CTNND1: variants seen among roughly 807,000 people sequenced by gnomAD.
CTNND1 encodes catenin delta 1, also known as catenin delta-1.
In CTNND1, 16 loss-of-function variants were observed where a neutral mutation model predicts 112.1. The observed-to-expected ratio is 0.14, with a 90% CI of 0.10 to 0.22. The LOEUF (loss-of-function observed/expected upper bound fraction) is 0.22. Among genes scored for constraint, CTNND1 ranks in the 10% least tolerant of loss-of-function variants. The pLI is 1.00. For missense variants in CTNND1, 1,008 were observed against 1,257.0 expected (o/e 0.80, Z 3.00); for synonymous variants, 420 against 446.5 (o/e 0.94, Z 0.75).
intron 8 of CTNND1, 60 bp downstream of exon 8, chr11:57,803,864 T>TAA (rs879898072): frequency 2.7e-3 from 2,366 of 890,212 alleles, no homozygotes; most frequent in Non-Finnish European, 3.1e-3. Context: ...TTAAATTTCC[T>TAA]AAAAAAAAAA....
intron 11 of CTNND1, 189 bp from the exon 12 acceptor site, chr11:57,806,726 G>A (rs923986309): frequency 4.3e-5 from 27 of 633,300 alleles, no homozygotes; most frequent in Non-Finnish European, 5.3e-5. Flanking sequence ...TTACCTATCT[G>A]CTGCCTGTTT....
At chr11:57,802,224 TA>T (rs1465398372) in intron 7 of CTNND1, 28 bp downstream of exon 7, 1 of 1,558,160 alleles carries the variant, frequency 6.4e-7, no homozygotes, top group East Asian at 2.3e-5. Context: ...GGAAAATTGC[TA>T]AGTCAGTGTT....
chr11:57,817,461 T>G lies in CTNND1; in HGVS notation c.*1153T>G, dbSNP rs773049895. On this transcript the variant is annotated 3_prime_UTR_variant, in exon 21 of 21. Transcript: ENST00000399050. ...TCTGCAGTCTCATTTCTCATAATTT[T>G]GCAAATTATATTTTGTTGCTTTCTT... 2 of 152,664 alleles carry G rather than the reference T, an allele frequency of 1.3e-5. No individual in the cohort carries two copies. The highest frequency in any genetic ancestry group is 2.9e-5 in the Non-Finnish European group (2 of 68,060). 9.5% of individuals were successfully genotyped at this position (152,664 alleles called of 1,614,324 possible).
At chr11:57,812,753 C>T (rs761884729) in intron 17 of CTNND1, among the ~76,000 whole-genome samples, 60 of 152,028 alleles carry the variant, frequency 3.9e-4, no homozygotes, top group Non-Finnish European at 7.9e-4. Context: ...TGGGGTCAAG[C>T]GATCCTCCTG....
At chr11:57,773,803 G>A (rs768041744) in intron 1 of CTNND1, among the ~76,000 whole-genome samples, 25 of 152,006 alleles carry the variant, frequency 1.6e-4, no homozygotes, top group East Asian at 3.9e-4. Flanking sequence ...TTAGCCGGGC[G>A]TGGTGGTGGG....
At chr11:57,792,293 T>A (rs1245736388) in intron 3 of CTNND1, among the ~76,000 whole-genome samples, 1 of 152,262 alleles carries the variant, frequency 6.6e-6, no homozygotes, top group South Asian at 2.1e-4. Context: ...CTGGGTTGGC[T>A]GACTCTGTGA....
At chr11:57,771,275 CAA>C (rs1952526673) in intron 1 of CTNND1, among the ~76,000 whole-genome samples, 1 of 152,154 alleles carries the variant, frequency 6.6e-6, no homozygotes, top group Non-Finnish European at 1.5e-5. Context: ...TGTTTGTTCT[CAA>C]AGAGCTTACA....
chr11:57,766,702 G>A lies in CTNND1; in HGVS notation c.-214+4583G>A, dbSNP rs190866591. 1.8e-3 allele frequency among the ~76,000 whole-genome samples: 281 copies of A among 152,230 alleles called. 1 individual carries two copies. The highest frequency in any genetic ancestry group is 6.5e-3 in the African/African-American group (269 of 41,524). Reference sequence around the variant, plus strand: ...CTGTTCTGGTTAGAACTAATGAGGGGGAAATTAGGGTATGGATTGATTTGT... The same window carrying A: ...CTGTTCTGGTTAGAACTAATGAGGGAGAAATTAGGGTATGGATTGATTTGT... On this transcript the variant is annotated intron_variant, in intron 1 of 20. Transcript: ENST00000399050.
At chr11:57,797,364 G>A (rs112976685) in intron 6 of CTNND1, among the ~76,000 whole-genome samples, 58,597 of 147,494 alleles carry the variant, frequency 0.4, 12,078 homozygotes, top group Middle Eastern at 0.48. Context: ...CCTAGTAGTT[G>A]GGACTACAGG....
intron 1 of CTNND1, among the ~76,000 whole-genome samples, chr11:57,779,001 T>C (rs1015990864): frequency 9.2e-5 from 14 of 152,210 alleles, no homozygotes; most frequent in Non-Finnish European, 1.6e-4. Context: ...CCTGATCTCT[T>C]AGCACTGGGA....
At chr11:57,803,864 TAA>T (rs879898072) in intron 8 of CTNND1, 60 bp downstream of exon 8, 722 of 895,534 alleles carry the variant, frequency 8.1e-4, no homozygotes, top group South Asian at 1.1e-3. Flanking sequence ...TTAAATTTCC[TAA>T]AAAAAAAAAA....
chr11:57,767,003 G>A (rs957425842), intron 1 of CTNND1, among the ~76,000 whole-genome samples: 5 of 148,334 alleles, frequency 3.4e-5, no homozygotes, highest in Non-Finnish European at 7.4e-5. Flanking sequence ...ATGGAGTCTT[G>A]CTCTGTTGTC....
intron 1 of CTNND1, among the ~76,000 whole-genome samples, chr11:57,766,398 T>A (rs1231258229): frequency 6.6e-6 from 1 of 152,234 alleles, no homozygotes; most frequent in Non-Finnish European, 1.5e-5. Flanking sequence ...TTAGATTTTG[T>A]TCATGTATTG....
At position 57,796,801 on chromosome 11, in the gene CTNND1, T is replaced by C; in HGVS notation, c.765T>C (p.Asp255=). ...MEGYRAPSRQ[D]VYGPQPQVRV... is the part of the protein sequence containing the mutation. ...GCTACCGGGCACCTAGTAGACAGGA[T>C]GTGTATGGGCCCCAACCCCAGGTTC... The change falls in exon 6 of 21, where the codon GAT becomes GAC. Residue 255 remains aspartate, a synonymous_variant. Coordinates refer to ENST00000399050, the MANE Select transcript of CTNND1 (RefSeq NM_001085458.2). The C allele has an allele frequency of 6.2e-7, 1 of 1,610,014 alleles. No individual in the cohort carries two copies. Among genetic ancestry groups the C allele is most frequent in the Non-Finnish European group, 8.5e-7 (1 of 1,177,192 alleles).
At position 57,762,078 on chromosome 11, in the gene CTNND1, G is replaced by A. The variant is rs1029507896; in HGVS notation, c.-255G>A. On this transcript the variant is annotated 5_prime_UTR_variant, in exon 1 of 21. The change abolishes the stop of an existing upstream ORF in the 5' untranslated region. Transcript: ENST00000399050. ...GGCTTTTGAAGAAAATGTATGTACT[G>A]ACGGGAAAAGGAGGATAAGCAAGTC... The A allele has an allele frequency of 2.0e-5, 20 of 985,454 alleles. No homozygotes were observed. The highest frequency in any genetic ancestry group is 2.4e-5 in the Non-Finnish European group (20 of 829,934). The allele number at this position is 985,454 out of a possible 1,614,324, so 61.0% of individuals were successfully genotyped here.
chr11:57,795,978 C>T (rs781511097), intron 5 of CTNND1, among the ~76,000 whole-genome samples: 1 of 152,060 alleles, frequency 6.6e-6, no homozygotes, highest in African/African-American at 2.4e-5. Context: ...GGCAATTTTC[C>T]TGCTTGGGGA....
At chr11:57,773,874 G>A (rs1248961112) in intron 1 of CTNND1, among the ~76,000 whole-genome samples, 6 of 152,008 alleles carry the variant, frequency 3.9e-5, no homozygotes, top group African/African-American at 1.4e-4. Context: ...CCCTGGAGGC[G>A]GAGGTTGCAT....
At chr11:57,768,216 G>A (rs1165574108) in intron 1 of CTNND1, among the ~76,000 whole-genome samples, 1 of 151,956 alleles carries the variant, frequency 6.6e-6, no homozygotes, top group African/African-American at 2.4e-5. Flanking sequence ...AGTGGGTAAA[G>A]CTAACTTTTA....
chr11:57,770,503 A>C (rs1468294343), intron 1 of CTNND1, among the ~76,000 whole-genome samples: 1 of 151,884 alleles, frequency 6.6e-6, no homozygotes, highest in Non-Finnish European at 1.5e-5. Context: ...AATTTCAAAA[A>C]TTAGCTGGGC....
Sources: gnomAD v4.1 joint callset for allele counts (sites outside exome capture counted in the v4.1 genomes callset) on GRCh38, gnomAD v4.1.1 for gene constraint, MANE v1.5 for transcripts, NCBI Gene and HGNC (gene_info 2026-07-23, HGNC 2026-07-21) for gene names.